Variants in SOX5 observed in about 807,000 individuals in gnomAD.
SOX5 encodes transcription factor SOX-5.
A neutral mutation model predicts 92.0 loss-of-function variants in SOX5; 9 were observed. The ratio of observed to expected loss-of-function variants is 0.10; its 90% CI spans 0.06 to 0.17. The LOEUF (loss-of-function observed/expected upper bound fraction) is 0.17. Among genes scored for constraint, SOX5 ranks in the 10% least tolerant of loss-of-function variants. SOX5 has a pLI of 1.00. For synonymous variants in SOX5, 344 were observed against 336.3 expected (o/e 1.02, Z -0.25); for missense variants, 642 against 944.5 (o/e 0.68, Z 4.20).
intron 1 of SOX5, among the ~76,000 whole-genome samples, chr12:24,474,411 C>G (rs1000973084): frequency 1.3e-4 from 20 of 152,158 alleles, no homozygotes; most frequent in Non-Finnish European, 2.9e-4. Context: ...GGATGACCCC[C>G]CCACCGGTGT....
chr12:24,362,534 C>A (rs899933234), intron 2 of SOX5, among the ~76,000 whole-genome samples: 2 of 152,114 alleles, frequency 1.3e-5, no homozygotes, highest in African/African-American at 4.8e-5. Flanking sequence ...GAACACTCAG[C>A]CTATAAAATG....
chr12:24,267,601 G>T (rs1220018462), intron 3 of SOX5, among the ~76,000 whole-genome samples: 1 of 152,094 alleles, frequency 6.6e-6, no homozygotes, highest in African/African-American at 2.4e-5. Flanking sequence ...TAACTTTGCA[G>T]AAAGTACTAT....
intron 1 of SOX5, among the ~76,000 whole-genome samples, chr12:24,554,448 A>T (rs932147362): frequency 6.6e-6 from 1 of 152,118 alleles, no homozygotes; most frequent in African/African-American, 2.4e-5. Context: ...TTCAGGAAAA[A>T]ATTATGCCAA....
At chr12:24,195,827 T>A (rs1956957420) in intron 4 of SOX5, among the ~76,000 whole-genome samples, 2 of 152,218 alleles carry the variant, frequency 1.3e-5, no homozygotes, top group South Asian at 4.1e-4. Flanking sequence ...TTAATACTCT[T>A]AAGAAACATC....
At chr12:23,833,364 G>T (rs1182886080) in intron 3 of SOX5, among the ~76,000 whole-genome samples, 3 of 151,868 alleles carry the variant, frequency 2.0e-5, no homozygotes, top group Non-Finnish European at 4.4e-5. Flanking sequence ...TCCCATACCA[G>T]CTCTATTTAC....
intron 2 of SOX5, among the ~76,000 whole-genome samples, chr12:24,315,030 TAATG>T (rs1467650653): frequency 2.0e-5 from 3 of 152,300 alleles, no homozygotes; most frequent in East Asian, 1.9e-4. Flanking sequence ...ATGGATTAAT[TAATG>T]AGTTAATGAA....
At chr12:24,198,891 G>T (rs1417968491) in intron 4 of SOX5, among the ~76,000 whole-genome samples, 1 of 152,160 alleles carries the variant, frequency 6.6e-6, no homozygotes, top group African/African-American at 2.4e-5. Context: ...TTATACTTGG[G>T]CTCTGGGCAA....
chr12:24,095,034 C>T (rs79066003), intron 4 of SOX5, among the ~76,000 whole-genome samples: 3,624 of 150,480 alleles, frequency 0.024, 139 homozygotes, highest in African/African-American at 0.084. Context: ...TTGTCTTGAA[C>T]AAAAAGATTG....
intron 1 of SOX5, among the ~76,000 whole-genome samples, chr12:24,546,863 C>T (rs79946381): frequency 0.016 from 2,377 of 152,258 alleles, 62 homozygotes; most frequent in African/African-American, 0.055. Context: ...CCCAGTAAAC[C>T]ATGGCTCAGG....
intron 4 of SOX5, among the ~76,000 whole-genome samples, chr12:24,211,599 T>G (rs1201667526): frequency 6.6e-6 from 1 of 152,236 alleles, no homozygotes; most frequent in Non-Finnish European, 1.5e-5. Context: ...GCAAATATGA[T>G]GGTATTTTTA....
chr12:24,141,872 T>A (rs1023520384), intron 4 of SOX5, among the ~76,000 whole-genome samples: 2 of 152,134 alleles, frequency 1.3e-5, no homozygotes, highest in Non-Finnish European at 2.9e-5. Context: ...CCCCATGTGT[T>A]GAATTAATCG....
intron 9 of SOX5, among the ~76,000 whole-genome samples, chr12:23,578,702 C>A (rs1031709785): frequency 6.6e-6 from 1 of 152,082 alleles, no homozygotes; most frequent in East Asian, 1.9e-4. Flanking sequence ...GTCAATTAAG[C>A]CTAAATGTCC....
intron 3 of SOX5, among the ~76,000 whole-genome samples, chr12:23,811,338 A>T (rs1209314002): frequency 4.6e-5 from 7 of 152,278 alleles, no homozygotes; most frequent in African/African-American, 1.7e-4. Context: ...TTTGCCAGTA[A>T]CACATATTAT....
At chr12:24,276,333 C>T (rs1169143054) in intron 3 of SOX5, among the ~76,000 whole-genome samples, 3 of 152,052 alleles carry the variant, frequency 2.0e-5, no homozygotes, top group Non-Finnish European at 2.9e-5. Flanking sequence ...ACCATTAATT[C>T]TAAGGGTTTT....
intron 3 of SOX5, among the ~76,000 whole-genome samples, chr12:23,781,881 A>C (rs1462978318): frequency 6.6e-6 from 1 of 152,170 alleles, no homozygotes; most frequent in Non-Finnish European, 1.5e-5. Flanking sequence ...AGGTGAAGTT[A>C]TATAGAAACA....
At chr12:23,597,287 T>G (rs963942053) in intron 9 of SOX5, among the ~76,000 whole-genome samples, 3 of 152,220 alleles carry the variant, frequency 2.0e-5, no homozygotes, top group Admixed American at 6.5e-5. Context: ...CATTTAACGC[T>G]GAGATTACAA....
At chr12:23,594,156 T>C (rs1951999393) in intron 9 of SOX5, among the ~76,000 whole-genome samples, 1 of 152,088 alleles carries the variant, frequency 6.6e-6, no homozygotes, top group Admixed American at 6.5e-5. Flanking sequence ...ACTGTATGTG[T>C]TTTCCTATAT....
chr12:24,077,511 T>C (rs909711207), intron 4 of SOX5, among the ~76,000 whole-genome samples: 4 of 151,908 alleles, frequency 2.6e-5, no homozygotes, highest in Non-Finnish European at 5.9e-5. Context: ...CAGTTAACTG[T>C]TGGAGAGTTG....
At chr12:24,388,817 A>G (rs1023817272) in intron 1 of SOX5, among the ~76,000 whole-genome samples, 2 of 151,912 alleles carry the variant, frequency 1.3e-5, no homozygotes, top group Non-Finnish European at 1.5e-5. Flanking sequence ...TTCTGTCTCT[A>G]TATATTTGGT....
Sources: gnomAD v4.1 joint callset for allele counts (sites outside exome capture counted in the v4.1 genomes callset) on GRCh38, gnomAD v4.1.1 for gene constraint, MANE v1.5 for transcripts, NCBI Gene and HGNC (gene_info 2026-07-23, HGNC 2026-07-21) for gene names.